SWAP70: variants seen among roughly 807,000 people sequenced by gnomAD.
The protein encoded by SWAP70 is switching B cell complex subunit SWAP70.
A neutral mutation model predicts 80.2 loss-of-function variants in SWAP70; 34 were observed. That is an observed-to-expected ratio of 0.42 (90% CI 0.32 to 0.56). The LOEUF is 0.56. Among genes scored for constraint, SWAP70 ranks in the 20% least tolerant of loss-of-function variants. SWAP70 has a pLI of 0.09. For synonymous variants in SWAP70, 239 were observed against 238.5 expected, an observed-to-expected ratio of 1.00 and a Z score of -0.02; for missense variants, 578 against 690.7, an observed-to-expected ratio of 0.84 and a Z score of 1.83.
At chr11:9,714,313 A>G (rs1851037487) in intron 3 of SWAP70, among the ~76,000 whole-genome samples, 1 of 152,226 alleles carries the variant, frequency 6.6e-6, no homozygotes, top group African/African-American at 2.4e-5. Flanking sequence ...ACCTTGGACA[A>G]ATTATTTAAC....
intron 2 of SWAP70, among the ~76,000 whole-genome samples, chr11:9,694,985 TC>T (rs1334164723): frequency 6.6e-6 from 1 of 152,062 alleles, no homozygotes; most frequent in African/African-American, 2.4e-5. Context: ...TAGAAATCAT[TC>T]TACTATAAAG....
intron 1 of SWAP70, among the ~76,000 whole-genome samples, chr11:9,684,298 T>C (rs1412234780): frequency 1.3e-5 from 2 of 152,126 alleles, no homozygotes. Context: ...CCCGGGCTGG[T>C]CCCAAACTCC....
At position 9,664,400 on chromosome 11, in the gene SWAP70, G is replaced by A. The variant is rs573570724; in HGVS notation, c.99+122G>A. On this transcript the variant is annotated intron_variant, in intron 1 of 11. Transcript: ENST00000318950. ...GGCGGGGCGGGTCGGAATGCGCCCG[G>A]TAGGCCCGCTTGGGGCGGAGTGGGT... is the stretch of plus-strand genomic sequence containing the variant. 1.2e-4 allele frequency: 130 copies of A among 1,094,422 alleles called. No individual in the cohort carries two copies. The African/African-American group carries it at 1.7e-3, about 14-fold the overall frequency. The allele number at this position is 1,094,422 out of a possible 1,614,324, so 67.8% of individuals were successfully genotyped here. A position where few individuals can be genotyped will look rare whatever the true frequency, so the allele number is the denominator to read the frequency against.
intron 1 of SWAP70, among the ~76,000 whole-genome samples, chr11:9,684,942 C>G (rs1386100296): frequency 3.3e-5 from 5 of 152,174 alleles, no homozygotes; most frequent in Non-Finnish European, 4.4e-5. Context: ...AATACAGACT[C>G]TCTCTTTAAG....
At position 9,718,720 on chromosome 11, in the gene SWAP70, T is replaced by C. The variant is rs1254060760; in HGVS notation, c.414+5081T>C. ...ATTTATAAATTTGAAGTAATACTTC[T>C]TTCCAATAATCCACTTACCGTAATG... On this transcript the variant is annotated intron_variant, in intron 3 of 11. Coordinates refer to ENST00000318950, the MANE Select transcript of SWAP70 (RefSeq NM_015055.4). Among the ~76,000 whole-genome samples the C allele has an allele frequency of 2.6e-5, 4 of 152,354 alleles. No individual in the cohort carries two copies. In the East Asian group the frequency reaches 7.7e-4, roughly 29 times the overall value.
intron 1 of SWAP70, among the ~76,000 whole-genome samples, chr11:9,673,583 T>C (rs1185039222): frequency 6.6e-6 from 1 of 152,194 alleles, no homozygotes. Flanking sequence ...TGATCTAATA[T>C]TAATAGACTG....
At chr11:9,672,554 T>TG (rs869218509) in intron 1 of SWAP70, among the ~76,000 whole-genome samples, 2 of 145,142 alleles carry the variant, frequency 1.4e-5, no homozygotes, top group Non-Finnish European at 3.0e-5. Context: ...TTTTTTTTTT[T>TG]GTAGAGACAG....
intron 3 of SWAP70, among the ~76,000 whole-genome samples, chr11:9,724,293 G>A (rs936419130): frequency 6.6e-6 from 1 of 152,130 alleles, no homozygotes; most frequent in Non-Finnish European, 1.5e-5. Flanking sequence ...TTAATTTAGC[G>A]CTTGTTTGTT....
At chr11:9,717,219 G>T (rs1851077706) in intron 3 of SWAP70, among the ~76,000 whole-genome samples, 1 of 152,180 alleles carries the variant, frequency 6.6e-6, no homozygotes, top group East Asian at 1.9e-4. Context: ...TGAAATTTTT[G>T]TCCAAGGAAA....
intron 3 of SWAP70, among the ~76,000 whole-genome samples, chr11:9,717,239 T>C (rs960082550): frequency 1.3e-5 from 2 of 152,212 alleles, no homozygotes; most frequent in African/African-American, 4.8e-5. Flanking sequence ...ATTGTCTAGC[T>C]TAATACAGAG....
rs1851567767 is a variant in SWAP70, at chr11:9,750,183, C to G, written c.*213C>G. The G allele has an allele frequency of 1.3e-5, 4 of 305,582 alleles. No individual in the cohort carries two copies. In the Admixed American group the frequency reaches 1.7e-4, roughly 13 times the overall value. The allele number at this position is 305,582 out of a possible 1,614,324, so 18.9% of individuals were successfully genotyped here. On this transcript the variant is annotated 3_prime_UTR_variant, in exon 12 of 12. Transcript: ENST00000318950. Reference sequence around the variant, plus strand: ...TGAAACCCTGTCTCTACTAAAAATACAAAAAAAATTAGCTGAGCGTGGTGG... The same window carrying G: ...TGAAACCCTGTCTCTACTAAAAATAGAAAAAAAATTAGCTGAGCGTGGTGG...
intron 1 of SWAP70, among the ~76,000 whole-genome samples, chr11:9,684,378 C>T (rs1229765155): frequency 6.6e-6 from 1 of 152,188 alleles, no homozygotes; most frequent in Non-Finnish European, 1.5e-5. Context: ...CTGCGTCCAG[C>T]CAGATTTGTG....
At chr11:9,665,957 A>G (rs1850301629) in intron 1 of SWAP70, among the ~76,000 whole-genome samples, 1 of 148,088 alleles carries the variant, frequency 6.8e-6, no homozygotes, top group Non-Finnish European at 1.5e-5. Context: ...TATTTAGGCC[A>G]TTTACATTTA....
chr11:9,676,025 A>G (rs1850496172), intron 1 of SWAP70, among the ~76,000 whole-genome samples: 1 of 152,226 alleles, frequency 6.6e-6, no homozygotes, highest in African/African-American at 2.4e-5. Context: ...GCTTTTTCTT[A>G]AGCAAAGATT....
At chr11:9,710,512 C>G (rs1331292595) in intron 2 of SWAP70, among the ~76,000 whole-genome samples, 2 of 152,160 alleles carry the variant, frequency 1.3e-5, no homozygotes, top group East Asian at 3.9e-4. Flanking sequence ...GGTGAAACTT[C>G]GGCCTGCGGA....
At chr11:9,717,908 G>T (rs1282791046) in intron 3 of SWAP70, among the ~76,000 whole-genome samples, 2 of 152,178 alleles carry the variant, frequency 1.3e-5, no homozygotes, top group Non-Finnish European at 2.9e-5. Context: ...CATGTCAATG[G>T]CATTAAATCA....
rs766662979 is a variant in SWAP70, at chr11:9,748,030, C to T, written c.1528C>T (p.Arg510Trp). 1.9e-5 allele frequency: 31 copies of T among 1,613,936 alleles called. No homozygotes were observed. Among genetic ancestry groups the T allele is most frequent in the South Asian group, 3.3e-5 (3 of 91,072 alleles). ...GCAGCTGGAGCAGCTTGAGTTAGAACGGAAGCAAGCACTTGAGCAGTACGA... is the reference window on the plus strand; with the variant it reads ...GCAGCTGGAGCAGCTTGAGTTAGAATGGAAGCAAGCACTTGAGCAGTACGA... ...MEQLEQLELE[R>W]KQALEQYEEV... Residue 510 changes from arginine to tryptophan, a missense_variant, in exon 10 of 12, where the codon CGG becomes TGG. By Grantham distance (101) the Arg-to-Trp change is moderately radical (BLOSUM62 -3). Transcript: ENST00000318950.
At chr11:9,726,661 A>G in intron 4 of SWAP70, among the ~76,000 whole-genome samples, 1 of 152,390 alleles carries the variant, frequency 6.6e-6, no homozygotes, top group African/African-American at 2.4e-5. Flanking sequence ...ATATATATTT[A>G]ATGATATGTA....
rs112365473 is a variant in SWAP70 at position 9,673,186 on chromosome 11, A to C, written c.99+8908A>C. Among the ~76,000 whole-genome samples, 27 of 152,318 alleles carry C rather than the reference A, an allele frequency of 1.8e-4. No homozygotes were observed. In the South Asian group the frequency reaches 3.1e-3, roughly 18 times the overall value. ...GTCCTCCTCCTTCCTACCAGTTGCA[A>C]ATCTGGGCCTCTGGAACTTCTGATG... On this transcript the variant is annotated intron_variant, in intron 1 of 11. Coordinates refer to ENST00000318950, the MANE Select transcript of SWAP70 (RefSeq NM_015055.4).
Sources: allele counts gnomAD v4.1 joint callset (sites outside exome capture counted in the v4.1 genomes callset), GRCh38; gene constraint gnomAD v4.1.1; transcripts MANE v1.5; gene names NCBI Gene and HGNC (gene_info 2026-07-23, HGNC 2026-07-21).